Variants in RGS18 observed in about 807,000 individuals in gnomAD.
RGS18 encodes regulator of G-protein signaling 18.
A neutral mutation model predicts 27.6 loss-of-function variants in RGS18; 22 were observed. That is an observed-to-expected ratio of 0.80 (90% CI 0.57 to 1.14). The LOEUF is 1.14. RGS18 is among the 50% of genes most tolerant of loss of function. The probability of loss-of-function intolerance (pLI) is 0.00; values close to 1 mark genes in which losing one functional copy is unlikely to be tolerated. For synonymous variants in RGS18, 89 were observed against 84.6 expected (o/e 1.05, Z -0.29); for missense variants, 299 against 269.6 (o/e 1.11, Z -0.76).
Position 192,184,663 on chromosome 1 carries a change from T to A in RGS18, c.*109T>A. The A allele has an allele frequency of 9.5e-7, 1 of 1,054,880 alleles. No homozygotes were observed. The highest frequency in any genetic ancestry group is 1.4e-6 in the Non-Finnish European group (1 of 736,256). The allele number at this position is 1,054,880 out of a possible 1,614,324, so 65.3% of individuals were successfully genotyped here. The stretch of plus-strand genomic sequence containing the variant: ...ATCCTTTAAACTGAAATATGTCATG[T>A]GAAATTATTTTAAAAATGTAAAAAC... On this transcript the variant is annotated 3_prime_UTR_variant, in exon 5 of 5. Transcript: ENST00000367460.
At chr1:192,166,086 G>T (rs1656158893) in intron 3 of RGS18, among the ~76,000 whole-genome samples, 1 of 152,086 alleles carries the variant, frequency 6.6e-6, no homozygotes, top group Admixed American at 6.5e-5. Context: ...TATAAAATCA[G>T]TTGATGCCAA....
At chr1:192,161,711 C>T (rs1656076895) in intron 3 of RGS18, among the ~76,000 whole-genome samples, 1 of 152,120 alleles carries the variant, frequency 6.6e-6, no homozygotes, top group Non-Finnish European at 1.5e-5. Context: ...CTCCTTGTAG[C>T]GTTGCCCGTG....
At chr1:192,158,908 G>C (rs1656021243) in intron 1 of RGS18, 152 bp downstream of exon 1, 2 of 624,604 alleles carry the variant, frequency 3.2e-6, no homozygotes, top group African/African-American at 1.9e-5. Context: ...TTATTTCTTA[G>C]GTTTAAACAA....
intron 3 of RGS18, among the ~76,000 whole-genome samples, chr1:192,180,019 T>C (rs1046139314): frequency 6.6e-6 from 1 of 151,612 alleles, no homozygotes; most frequent in Admixed American, 6.6e-5. Flanking sequence ...TATAATTTTC[T>C]CAAAATAAAA....
At chr1:192,164,408 A>T (rs1656127169) in intron 3 of RGS18, among the ~76,000 whole-genome samples, 1 of 152,136 alleles carries the variant, frequency 6.6e-6, no homozygotes, top group Non-Finnish European at 1.5e-5. Context: ...AAGGTCACTG[A>T]TTTTTGCTCT....
chr1:192,161,006 C>G (rs191553989), intron 3 of RGS18, among the ~76,000 whole-genome samples: 1 of 152,110 alleles, frequency 6.6e-6, no homozygotes, highest in Admixed American at 6.5e-5. Context: ...CCCGCCACCA[C>G]GCCCGGCTAA....
chr1:192,183,758 A>G (rs1429652490), intron 4 of RGS18, among the ~76,000 whole-genome samples: 3 of 151,692 alleles, frequency 2.0e-5, no homozygotes, highest in Non-Finnish European at 3.0e-5. Context: ...ATTCAGCCAC[A>G]GAAAGAATAA....
intron 3 of RGS18, among the ~76,000 whole-genome samples, chr1:192,172,884 A>AATAAAT (rs1553229388): frequency 1.0e-5 from 1 of 97,510 alleles, no homozygotes; most frequent in Non-Finnish European, 2.3e-5. Context: ...TATATATATA[A>AATAAAT]ATATATATAT....
Position 192,184,497 on chromosome 1 carries a change from C to T in RGS18, c.651C>T (p.Arg217=), listed in dbSNP as rs369291887. The T allele has an allele frequency of 6.2e-7, 1 of 1,611,452 alleles. No individual in the cohort carries two copies. The highest frequency in any genetic ancestry group is 8.5e-7 in the Non-Finnish European group (1 of 1,178,356). The change falls in exon 5 of 5, where the codon CGC becomes CGT. Residue 217 remains arginine (R), a synonymous_variant. Transcript: ENST00000367460. ...CAACAAATCTTAGGAGACGATCACGCTCATTTACCTGCAATGAATTCCAAG... is the reference window on the plus strand; with the variant it reads ...CAACAAATCTTAGGAGACGATCACGTTCATTTACCTGCAATGAATTCCAAG... ...QRPTNLRRRS[R]SFTCNEFQDV...
intron 3 of RGS18, among the ~76,000 whole-genome samples, chr1:192,172,873 A>ATATATATC (rs1656287117): frequency 7.2e-6 from 1 of 138,474 alleles, no homozygotes; most frequent in Non-Finnish European, 1.6e-5. Flanking sequence ...GCATATATAT[A>ATATATATC]TATATATATA....
At chr1:192,182,516 T>A (rs1207166881) in intron 4 of RGS18, among the ~76,000 whole-genome samples, 2 of 151,672 alleles carry the variant, frequency 1.3e-5, no homozygotes, top group African/African-American at 4.8e-5. Flanking sequence ...CTAAATTTTT[T>A]AGATAATCTG....
chr1:192,165,470 C>G (rs1270203865), intron 3 of RGS18, among the ~76,000 whole-genome samples: 1 of 152,156 alleles, frequency 6.6e-6, no homozygotes, highest in African/African-American at 2.4e-5. Context: ...ACACTCCCTC[C>G]CCTTTGAAAA....
intron 3 of RGS18, among the ~76,000 whole-genome samples, chr1:192,165,821 A>G (rs1041180179): frequency 3.9e-5 from 6 of 152,210 alleles, no homozygotes; most frequent in African/African-American, 1.4e-4. Context: ...CAATGGAGTT[A>G]TTAGTCTATT....
At chr1:192,180,427 C>G (rs1656431113) in intron 3 of RGS18, among the ~76,000 whole-genome samples, 1 of 151,616 alleles carries the variant, frequency 6.6e-6, no homozygotes, top group East Asian at 2.0e-4. Context: ...TAAATGAACA[C>G]TAATTTGAGC....
rs1656447656 is a variant in RGS18, at chr1:192,181,284, C to A, written c.284-8C>A. ...ATTTTATAGTTATATTATTTATTTT[C>A]TTGATAGATGGACTAGAGGCTTTTA... is the stretch of plus-strand genomic sequence containing the variant. On this transcript the variant is annotated splice_polypyrimidine_tract_variant and splice_region_variant and intron_variant, in intron 3 of 4. Coordinates refer to ENST00000367460, the MANE Select transcript of RGS18 (RefSeq NM_130782.3). 4.3e-6 allele frequency: 6 copies of A among 1,390,382 alleles called. No homozygotes were observed. Among genetic ancestry groups the A allele is most frequent in the African/African-American group, 1.5e-5 (1 of 67,272 alleles). 86.1% of individuals were successfully genotyped at this position (1,390,382 alleles called of 1,614,324 possible).
chr1:192,165,772 A>G (rs146769606), intron 3 of RGS18, among the ~76,000 whole-genome samples: 52 of 152,336 alleles, frequency 3.4e-4, no homozygotes, highest in African/African-American at 1.2e-3. Context: ...TAACACAATG[A>G]AGTCCATCAA....
chr1:192,161,838 C>T (rs1387972012), intron 3 of RGS18, among the ~76,000 whole-genome samples: 1 of 152,182 alleles, frequency 6.6e-6, no homozygotes, highest in Non-Finnish European at 1.5e-5. Context: ...GTAACAACAA[C>T]TTTTCTTTTC....
At chr1:192,165,546 T>G (rs1166241605) in intron 3 of RGS18, among the ~76,000 whole-genome samples, 1 of 152,182 alleles carries the variant, frequency 6.6e-6, no homozygotes, top group East Asian at 1.9e-4. Context: ...ATGTGATGTC[T>G]CCCCTGGACA....
At chr1:192,159,417 T>G (rs1192678256) in intron 2 of RGS18, 96 bp downstream of exon 2, 1 of 774,398 alleles carries the variant, frequency 1.3e-6, no homozygotes. Context: ...TTATTGAAAA[T>G]TACACAGCAA....
Sources: allele counts gnomAD v4.1 joint callset (sites outside exome capture counted in the v4.1 genomes callset), GRCh38; gene constraint gnomAD v4.1.1; transcripts MANE v1.5; gene names NCBI Gene and HGNC (gene_info 2026-07-23, HGNC 2026-07-21).